The following MAPK10 variants were observed in gnomAD, a reference collection of about 807,000 sequenced individuals.
MAPK10 encodes the protein mitogen-activated protein kinase 10, also known as JNK3 alpha protein kinase.
Under a neutral mutation model 59.3 loss-of-function variants are expected in MAPK10, and 25 were observed. The observed-to-expected ratio is 0.42, with a 90% confidence interval of 0.31 to 0.59. The LOEUF (loss-of-function observed/expected upper bound fraction) is 0.59. Among genes scored for constraint, MAPK10 ranks in the 20% least tolerant of loss-of-function variants. The probability of loss-of-function intolerance (pLI) is 0.15; values close to 1 mark genes in which losing one functional copy is unlikely to be tolerated. For synonymous variants in MAPK10, 190 were observed against 200.5 expected (o/e 0.95, Z 0.44); for missense variants, 351 against 568.9 (o/e 0.62, Z 3.90).
At chr4:86,185,975 G>C (rs555026788) in intron 3 of MAPK10, among the ~76,000 whole-genome samples, 2 of 151,960 alleles carry the variant, frequency 1.3e-5, no homozygotes, top group African/African-American at 2.4e-5. Flanking sequence ...AAAATGTTTG[G>C]GTTGGAGATA....
chr4:86,327,944 T>G (rs142175547), intron 2 of MAPK10, among the ~76,000 whole-genome samples: 2,952 of 151,944 alleles, frequency 0.019, 82 homozygotes, highest in African/African-American at 0.067. Flanking sequence ...GTGAGACTCT[T>G]GCTCAAAAAT....
At chr4:86,060,204 C>A (rs1361080383) in intron 11 of MAPK10, among the ~76,000 whole-genome samples, 1 of 152,150 alleles carries the variant, frequency 6.6e-6, no homozygotes, top group African/African-American at 2.4e-5. Flanking sequence ...TCTCTGACTC[C>A]ATATGTTTGT....
intron 2 of MAPK10, among the ~76,000 whole-genome samples, chr4:86,243,170 T>C (rs556554676): frequency 2.6e-5 from 4 of 152,196 alleles, no homozygotes; most frequent in Admixed American, 1.3e-4. Context: ...GAAGGATTCA[T>C]ACGTTTATTA....
At chr4:86,110,011 G>T (rs1312748984) in intron 4 of MAPK10, among the ~76,000 whole-genome samples, 1 of 151,998 alleles carries the variant, frequency 6.6e-6, no homozygotes, top group Non-Finnish European at 1.5e-5. Flanking sequence ...ATGTTTGTTG[G>T]CTGCATAAAT....
chr4:86,345,256 C>A (rs1727437276), intron 2 of MAPK10, among the ~76,000 whole-genome samples: 1 of 152,130 alleles, frequency 6.6e-6, no homozygotes, highest in African/African-American at 2.4e-5. Flanking sequence ...ACCAAGGTAC[C>A]CCACTTGGAT....
At chr4:86,574,423 T>C (rs1761711583) in intron 1 of MAPK10, among the ~76,000 whole-genome samples, 1 of 151,566 alleles carries the variant, frequency 6.6e-6, no homozygotes, top group Admixed American at 6.6e-5. Flanking sequence ...ATATACCCAG[T>C]AATGGGATGG....
intron 1 of MAPK10, among the ~76,000 whole-genome samples, chr4:86,470,276 G>C (rs978168902): frequency 6.6e-6 from 1 of 152,138 alleles, no homozygotes; most frequent in African/African-American, 2.4e-5. Context: ...TTTTAATTTA[G>C]TTTGTAACTG....
chr4:86,057,684 TA>T lies in MAPK10; in HGVS notation c.1110+6581del, dbSNP rs549017325. ...GAACACAAAGTGTGGGTTCAGTCAA[TA>T]TTTATAGAATAAGTGAATAAATACT... On this transcript the variant is annotated intron_variant, in intron 11 of 13. Transcript: ENST00000641462. 8.0e-5 allele frequency among the ~76,000 whole-genome samples: 12 copies of T among 150,122 alleles called. No individual in the cohort carries two copies. In the South Asian group the frequency reaches 2.5e-3, roughly 31 times the overall value.
At position 86,590,888 on chromosome 4, in the gene MAPK10, G is replaced by A. The variant is rs575127259; in HGVS notation, c.-263+3022C>T. Among the ~76,000 whole-genome samples, 14 of 152,180 alleles carry A rather than the reference G, an allele frequency of 9.2e-5. No homozygotes were observed. The South Asian group carries it at 2.5e-3, about 27-fold the overall frequency. On this transcript the variant is annotated intron_variant, in intron 1 of 4. Transcript: ENST00000502302. ...TTCAACCTTGGTATTTAATTTAAAA[G>A]AAGATTGCTTTTTTATTTCAAACAT...
chr4:86,475,509 C>G (rs1475540625), intron 1 of MAPK10, among the ~76,000 whole-genome samples: 1 of 152,144 alleles, frequency 6.6e-6, no homozygotes, highest in East Asian at 1.9e-4. Flanking sequence ...CTCGTAGAGA[C>G]AGGAGACACG....
intron 4 of MAPK10, among the ~76,000 whole-genome samples, chr4:86,156,104 G>A (rs2067690800): frequency 6.6e-6 from 1 of 151,978 alleles, no homozygotes; most frequent in Non-Finnish European, 1.5e-5. Context: ...TATCCTAGTT[G>A]ATCATGTGTA....
At chr4:86,592,480 C>T (rs1029380302) in intron 1 of MAPK10, among the ~76,000 whole-genome samples, 45 of 152,332 alleles carry the variant, frequency 3.0e-4, no homozygotes, top group African/African-American at 1.1e-3. Flanking sequence ...AATCCACAAG[C>T]TATTGCAGCC....
intron 9 of MAPK10, among the ~76,000 whole-genome samples, chr4:86,091,886 A>C (rs1050858619): frequency 5.3e-5 from 8 of 151,824 alleles, no homozygotes; most frequent in Non-Finnish European, 7.4e-5. Context: ...GTTGGCCAGG[A>C]TGGTCTTGAT....
At chr4:86,299,053 A>G (rs1564117870) in intron 2 of MAPK10, among the ~76,000 whole-genome samples, 1 of 152,242 alleles carries the variant, frequency 6.6e-6, no homozygotes, top group Non-Finnish European at 1.5e-5. Context: ...CTTGTGAGAT[A>G]TAAACTTCTT....
intron 1 of MAPK10, among the ~76,000 whole-genome samples, chr4:86,514,777 C>T (rs1756533657): frequency 6.6e-6 from 1 of 152,114 alleles, no homozygotes; most frequent in South Asian, 2.1e-4. Flanking sequence ...AAGCATTGTT[C>T]ATGTATTATT....
chr4:86,474,818 G>A (rs1752939020), intron 1 of MAPK10, among the ~76,000 whole-genome samples: 1 of 152,156 alleles, frequency 6.6e-6, no homozygotes, highest in African/African-American at 2.4e-5. Flanking sequence ...CCTGTGACCT[G>A]CACATATACA....
At chr4:86,296,649 G>A (rs929949961) in intron 2 of MAPK10, among the ~76,000 whole-genome samples, 14 of 152,172 alleles carry the variant, frequency 9.2e-5, no homozygotes, top group African/African-American at 2.9e-4. Context: ...TAAGTGGCAT[G>A]ATAAAACTCA....
rs2052517440 is a variant in MAPK10, at chr4:86,088,952, G to A, written c.802+9572C>T. Among the ~76,000 whole-genome samples, 3 of 152,248 alleles carry A rather than the reference G, an allele frequency of 2.0e-5. No individual in the cohort carries two copies. In the South Asian group the frequency reaches 6.2e-4, roughly 32 times the overall value. On this transcript the variant is annotated intron_variant, in intron 9 of 13. Coordinates refer to ENST00000641462, the MANE Select transcript of MAPK10 (RefSeq NM_138982.4). ...AAGAGTACTCAATGTTATCAGTTTG[G>A]TAGAACTGAATTAAGGCAGACCTTT...
At chr4:86,108,813 T>A (rs961613327) in intron 4 of MAPK10, among the ~76,000 whole-genome samples, 6 of 152,202 alleles carry the variant, frequency 3.9e-5, no homozygotes, top group Non-Finnish European at 7.3e-5. Flanking sequence ...TTATTAACCA[T>A]AATATATGAA....
Sources: allele counts gnomAD v4.1 joint callset (sites outside exome capture counted in the v4.1 genomes callset), GRCh38; gene constraint gnomAD v4.1.1; transcripts MANE v1.5; gene names NCBI Gene and HGNC (gene_info 2026-07-23, HGNC 2026-07-21).